CCDC192: variants seen among roughly 807,000 people sequenced by gnomAD.
CCDC192 encodes coiled-coil domain containing 192, also known as coiled-coil domain-containing protein 192.
intron 5 of CCDC192, among the ~76,000 whole-genome samples, chr5:127,813,510 T>C (rs1395289758): frequency 6.6e-6 from 1 of 152,206 alleles, no homozygotes; most frequent in Non-Finnish European, 1.5e-5. Context: ...AATAATTCTA[T>C]GTTTTGCCCA....
At chr5:127,862,454 T>C (rs1055908934) in intron 5 of CCDC192, among the ~76,000 whole-genome samples, 1 of 152,226 alleles carries the variant, frequency 6.6e-6, no homozygotes, top group Non-Finnish European at 1.5e-5. Context: ...ACTCTTTCAG[T>C]TGACAGTTGA....
chr5:127,716,005 C>A (rs985643027), intron 2 of CCDC192, among the ~76,000 whole-genome samples: 1 of 152,142 alleles, frequency 6.6e-6, no homozygotes, highest in African/African-American at 2.4e-5. Context: ...TTTCTCCATT[C>A]AGTATATTAG....
At chr5:127,893,881 C>G (rs1055442543) in intron 6 of CCDC192, among the ~76,000 whole-genome samples, 1 of 151,702 alleles carries the variant, frequency 6.6e-6, no homozygotes, top group Non-Finnish European at 1.5e-5. Context: ...TAAGACAGAC[C>G]TCCTGTATCT....
At chr5:127,775,681 T>C (rs1229445390) in intron 3 of CCDC192, among the ~76,000 whole-genome samples, 9 of 152,216 alleles carry the variant, frequency 5.9e-5, no homozygotes, top group Non-Finnish European at 1.0e-4. Flanking sequence ...TTTGGCTGTG[T>C]CCCCACCCAA....
chr5:127,720,739 T>C (rs1751972854), intron 2 of CCDC192, among the ~76,000 whole-genome samples: 1 of 152,240 alleles, frequency 6.6e-6, no homozygotes, highest in South Asian at 2.1e-4. Flanking sequence ...CAGAGGCTCC[T>C]AAGCCTCAAC....
At chr5:127,734,454 G>GGATGA (rs1752844492) in intron 2 of CCDC192, among the ~76,000 whole-genome samples, 1 of 150,302 alleles carries the variant, frequency 6.7e-6, no homozygotes, top group Admixed American at 6.6e-5. Flanking sequence ...TAATGGGATG[G>GGATGA]CTGGGTCAAA....
At chr5:127,720,412 G>T (rs772009414) in intron 2 of CCDC192, among the ~76,000 whole-genome samples, 7 of 152,214 alleles carry the variant, frequency 4.6e-5, no homozygotes, top group Non-Finnish European at 8.8e-5. Context: ...CCAAGGCCTT[G>T]GGTAGCTCTG....
At chr5:127,812,122 G>A (rs1352190464) in intron 5 of CCDC192, among the ~76,000 whole-genome samples, 1 of 152,178 alleles carries the variant, frequency 6.6e-6, no homozygotes, top group Non-Finnish European at 1.5e-5. Flanking sequence ...GATTTGTCAT[G>A]AGGGTTAAAT....
At chr5:127,918,959 G>GTC (rs1406316364) in intron 6 of CCDC192, among the ~76,000 whole-genome samples, 6 of 147,630 alleles carry the variant, frequency 4.1e-5, no homozygotes, top group African/African-American at 1.2e-4. Context: ...GTATATATGT[G>GTC]TGTGTCTGTG....
chr5:127,713,846 T>C (rs954583610), intron 2 of CCDC192, among the ~76,000 whole-genome samples: 2 of 152,214 alleles, frequency 1.3e-5, no homozygotes, highest in African/African-American at 4.8e-5. Flanking sequence ...TATAATTTCT[T>C]TGCTAAGAAC....
chr5:127,806,896 G>A (rs1039851010), intron 5 of CCDC192, among the ~76,000 whole-genome samples: 7 of 152,126 alleles, frequency 4.6e-5, no homozygotes, highest in African/African-American at 1.2e-4. Context: ...CTATTTATGC[G>A]AATCATGAGG....
chr5:127,869,327 A>T (rs144167060), intron 5 of CCDC192, among the ~76,000 whole-genome samples: 30 of 152,312 alleles, frequency 2.0e-4, no homozygotes, highest in East Asian at 9.6e-4. Flanking sequence ...TCCATCTCAA[A>T]AAAATAAAAT....
Position 127,798,716 on chromosome 5 carries a change from T to TATAC in CCDC192, c.411+562_411+565dup, listed in dbSNP as rs1361390254. ...GTGACATTATTTTTTATACATTTTT[T>TATAC]ATACATACATATATATATTACATAT... On this transcript the variant is annotated intron_variant, in intron 5 of 6. Transcript: ENST00000514853. 7.3e-5 allele frequency among the ~76,000 whole-genome samples: 11 copies of TATAC among 150,690 alleles called. No individual in the cohort carries two copies. The East Asian group carries it at 1.9e-3, about 27-fold the overall frequency.
intron 5 of CCDC192, among the ~76,000 whole-genome samples, chr5:127,823,646 C>G (rs1416872185): frequency 2.0e-5 from 3 of 152,124 alleles, no homozygotes; most frequent in Non-Finnish European, 4.4e-5. Context: ...AACCATTTAA[C>G]AGGTGGGACT....
intron 6 of CCDC192, among the ~76,000 whole-genome samples, chr5:127,939,103 C>T (rs1444261738): frequency 6.8e-6 from 1 of 147,100 alleles, no homozygotes; most frequent in Non-Finnish European, 1.5e-5. Context: ...GGCACTCAAA[C>T]CAACATCTTT....
At chr5:127,881,087 G>T (rs1221144515) in intron 6 of CCDC192, among the ~76,000 whole-genome samples, 3 of 152,170 alleles carry the variant, frequency 2.0e-5, no homozygotes, top group African/African-American at 7.2e-5. Flanking sequence ...ATGAACAAAA[G>T]ACCTTCATGA....
At chr5:127,782,750 C>G (rs1188238421) in intron 3 of CCDC192, among the ~76,000 whole-genome samples, 2 of 152,014 alleles carry the variant, frequency 1.3e-5, no homozygotes, top group African/African-American at 4.8e-5. Flanking sequence ...TTTATCTTTT[C>G]AAAGAACCAG....
intron 3 of CCDC192, among the ~76,000 whole-genome samples, chr5:127,759,383 A>G (rs1227470466): frequency 6.6e-6 from 1 of 152,216 alleles, no homozygotes; most frequent in Admixed American, 6.5e-5. Flanking sequence ...TGCCTCAGGA[A>G]TGGGACTAGT....
intron 5 of CCDC192, among the ~76,000 whole-genome samples, chr5:127,813,467 CA>C (rs1393176339): frequency 1.3e-5 from 2 of 152,084 alleles, no homozygotes; most frequent in African/African-American, 4.8e-5. Flanking sequence ...TGCTCATCTG[CA>C]GTTTTTTATC....
Sources: allele counts gnomAD v4.1 joint callset (sites outside exome capture counted in the v4.1 genomes callset), GRCh38; gene constraint gnomAD v4.1.1; transcripts MANE v1.5; gene names NCBI Gene and HGNC (gene_info 2026-07-23, HGNC 2026-07-21).